The following FGGY variants were observed in gnomAD, a reference collection of about 807,000 sequenced individuals.
FGGY encodes FGGY carbohydrate kinase domain containing, also known as FGGY carbohydrate kinase domain-containing protein.
Under a neutral mutation model 71.3 loss-of-function variants are expected in FGGY, and 72 were observed. The ratio of observed to expected loss-of-function variants is 1.01; its 90% CI spans 0.84 to 1.23. The LOEUF (loss-of-function observed/expected upper bound fraction) is 1.23, where lower values mean the gene tolerates loss of function less well. FGGY is among the 50% of genes most tolerant of loss of function. The probability of loss-of-function intolerance (pLI) is 0.00; values close to 1 mark genes in which losing one functional copy is unlikely to be tolerated. For missense variants in FGGY, 668 were observed against 682.3 expected, an observed-to-expected ratio of 0.98 and a Z score of 0.23; for synonymous variants, 251 against 250.3, an observed-to-expected ratio of 1.00 and a Z score of -0.02.
intron 4 of FGGY, among the ~76,000 whole-genome samples, chr1:59,351,358 G>A (rs1012591816): frequency 2.0e-5 from 3 of 152,110 alleles, no homozygotes; most frequent in Non-Finnish European, 4.4e-5. Flanking sequence ...TCATCATTTA[G>A]GTTTCAGTTT....
At chr1:59,345,291 C>G (rs1181985353) in intron 3 of FGGY, among the ~76,000 whole-genome samples, 1 of 152,180 alleles carries the variant, frequency 6.6e-6, no homozygotes. Context: ...TTTCTTTTCT[C>G]TTTGCCCTAA....
intron 14 of FGGY, among the ~76,000 whole-genome samples, chr1:59,735,810 C>A (rs535350539): frequency 6.6e-6 from 1 of 152,180 alleles, no homozygotes; most frequent in African/African-American, 2.4e-5. Flanking sequence ...AGTATCATCT[C>A]TTTTATTTAT....
chr1:59,409,493 A>C (rs1385239630), intron 5 of FGGY, among the ~76,000 whole-genome samples: 1 of 152,042 alleles, frequency 6.6e-6, no homozygotes, highest in African/African-American at 2.4e-5. Flanking sequence ...AGCTTCTCTG[A>C]GTTCCAGCTT....
At chr1:59,388,206 A>G (rs937290163) in intron 5 of FGGY, among the ~76,000 whole-genome samples, 2 of 152,164 alleles carry the variant, frequency 1.3e-5, no homozygotes, top group African/African-American at 4.8e-5. Context: ...CAGCTTAGCA[A>G]TATGAATCCA....
intron 4 of FGGY, among the ~76,000 whole-genome samples, chr1:59,369,228 C>T (rs985768002): frequency 3.3e-5 from 5 of 152,122 alleles, no homozygotes; most frequent in South Asian, 2.1e-4. Flanking sequence ...GCTTTTCCGA[C>T]GGGCTTAAAA....
At chr1:59,621,338 A>G (rs906133283) in intron 9 of FGGY, among the ~76,000 whole-genome samples, 3 of 151,730 alleles carry the variant, frequency 2.0e-5, no homozygotes, top group African/African-American at 7.3e-5. Context: ...GAAATAAACC[A>G]TAGTCTTTTG....
intron 14 of FGGY, among the ~76,000 whole-genome samples, chr1:59,696,119 T>C (rs2097656434): frequency 6.6e-6 from 1 of 152,174 alleles, no homozygotes; most frequent in Non-Finnish European, 1.5e-5. Context: ...GTTCTGCTGG[T>C]TCAAAATTGG....
intron 1 of FGGY, among the ~76,000 whole-genome samples, chr1:59,302,282 G>A (rs997540105): frequency 5.9e-5 from 9 of 152,018 alleles, no homozygotes; most frequent in African/African-American, 1.9e-4. Flanking sequence ...ATCTGGCCTC[G>A]TAGAATGAAT....
At chr1:59,322,816 A>C (rs2046643817) in intron 2 of FGGY, among the ~76,000 whole-genome samples, 1 of 152,150 alleles carries the variant, frequency 6.6e-6, no homozygotes, top group South Asian at 2.1e-4. Flanking sequence ...GTAATGACAG[A>C]GGTCCTTTTG....
chr1:59,306,932 A>G (rs1306416220), intron 1 of FGGY, among the ~76,000 whole-genome samples: 1 of 152,212 alleles, frequency 6.6e-6, no homozygotes, highest in Non-Finnish European at 1.5e-5. Context: ...GGATTCTGCT[A>G]AACAGGCTAT....
intron 2 of FGGY, among the ~76,000 whole-genome samples, chr1:59,330,685 T>C (rs2048306641): frequency 6.6e-6 from 1 of 151,794 alleles, no homozygotes; most frequent in African/African-American, 2.4e-5. Context: ...GAGAAGACAA[T>C]TGGAACTGGA....
At chr1:59,485,459 A>G (rs2093629401) in intron 6 of FGGY, among the ~76,000 whole-genome samples, 1 of 152,140 alleles carries the variant, frequency 6.6e-6, no homozygotes, top group Non-Finnish European at 1.5e-5. Flanking sequence ...GACTTTGGAT[A>G]AGGGGGACAG....
chr1:59,645,222 T>C (rs2097081702), intron 11 of FGGY, among the ~76,000 whole-genome samples: 1 of 152,026 alleles, frequency 6.6e-6, no homozygotes, highest in African/African-American at 2.4e-5. Context: ...GAAGCAGGAG[T>C]GGCCCAGGCT....
intron 7 of FGGY, among the ~76,000 whole-genome samples, chr1:59,553,386 T>C (rs2095639248): frequency 6.6e-6 from 1 of 152,220 alleles, no homozygotes; most frequent in South Asian, 2.1e-4. Context: ...AGAGTCTTTC[T>C]AGCTTTCTTG....
intron 14 of FGGY, among the ~76,000 whole-genome samples, chr1:59,738,403 T>C (rs542558913): frequency 2.9e-4 from 44 of 152,322 alleles, no homozygotes; most frequent in African/African-American, 9.9e-4. Context: ...AGGCACCAGA[T>C]GGCAAACAAG....
chr1:59,531,004 TA>T (rs1385709806), intron 7 of FGGY, among the ~76,000 whole-genome samples: 1 of 152,102 alleles, frequency 6.6e-6, no homozygotes, highest in Non-Finnish European at 1.5e-5. Flanking sequence ...GAGGGGACAT[TA>T]AAAAATTAAA....
In FGGY at chr1:59,762,682, C is replaced by T. The variant is rs1574138945; in HGVS notation, c.*98C>T. On this transcript the variant is annotated 3_prime_UTR_variant, in exon 16 of 16. Transcript: ENST00000303721. The stretch of plus-strand genomic sequence containing the variant: ...CAAGACCCTTGAGGTATTGTTTCAT[C>T]ATTTCTGTATTGTCTTTCAATAAAG... The T allele has an allele frequency of 1.2e-6, 1 of 858,284 alleles. No homozygotes were observed. Among genetic ancestry groups the T allele is most frequent in the Non-Finnish European group, 1.9e-6 (1 of 536,590 alleles). 53.2% of individuals were successfully genotyped at this position (858,284 alleles called of 1,614,324 possible). A position where few individuals can be genotyped will look rare whatever the true frequency, so the allele number is the denominator to read the frequency against.
chr1:59,482,942 A>G (rs926555078), intron 6 of FGGY, among the ~76,000 whole-genome samples: 1 of 152,158 alleles, frequency 6.6e-6, no homozygotes, highest in Non-Finnish European at 1.5e-5. Context: ...AGCATACGTC[A>G]GAACCACCTG....
chr1:59,323,976 C>T (rs1178959078), intron 2 of FGGY, among the ~76,000 whole-genome samples: 1 of 152,170 alleles, frequency 6.6e-6, no homozygotes. Context: ...CTGTGTAACA[C>T]TTTGAGAAAC....
Sources: gnomAD v4.1 joint callset for allele counts (sites outside exome capture counted in the v4.1 genomes callset) on GRCh38, gnomAD v4.1.1 for gene constraint, MANE v1.5 for transcripts, NCBI Gene and HGNC (gene_info 2026-07-23, HGNC 2026-07-21) for gene names.